The following SMAD3 variants were observed in gnomAD, a reference collection of about 807,000 sequenced individuals.
The protein encoded by SMAD3 is SMAD family member 3, also known as MAD homolog 3.
SMAD3 carries 12 observed loss-of-function variants against 51.8 expected under a neutral mutation model. That is an observed-to-expected ratio of 0.23 (90% CI 0.15 to 0.38). The LOEUF (loss-of-function observed/expected upper bound fraction) is 0.38. Among genes scored for constraint, SMAD3 ranks in the 10% least tolerant of loss-of-function variants. The pLI is 1.00. For synonymous variants in SMAD3, 238 were observed against 227.7 expected (o/e 1.05, Z -0.41); for missense variants, 294 against 565.6 (o/e 0.52, Z 4.87).
intron 1 of SMAD3, among the ~76,000 whole-genome samples, chr15:67,078,680 C>T (rs1960220291): frequency 1.3e-5 from 2 of 152,180 alleles, no homozygotes; most frequent in Admixed American, 1.3e-4. Context: ...ACTGATTCTA[C>T]TTCATGGGCT....
chr15:67,110,742 A>G (rs927996463), intron 1 of SMAD3, among the ~76,000 whole-genome samples: 2 of 152,228 alleles, frequency 1.3e-5, no homozygotes, highest in Middle Eastern at 3.2e-3. Context: ...AAATCATTAC[A>G]TAATAGTTAG....
At chr15:67,164,773 G>A in intron 1 of SMAD3, 122 bp from the exon 2 acceptor site, 2 of 1,047,158 alleles carry the variant, frequency 1.9e-6, no homozygotes, top group Non-Finnish European at 3.0e-6. Context: ...CTGGACCTCT[G>A]GATCTGGGAG....
intron 1 of SMAD3, chr15:67,099,012 G>A (rs139240383): frequency 4.7e-5 from 33 of 701,638 alleles, no homozygotes; most frequent in East Asian, 1.6e-4. Flanking sequence ...TGTCCTGAGC[G>A]AGGATCAACT....
rs1201995588 is a variant in SMAD3, at chr15:67,181,366, G to A, written c.784G>A (p.Asp262Asn). The change falls in exon 6 of 9, where the codon GAC becomes AAC. Residue 262 changes from aspartate to asparagine, a missense_variant. Asp to Asn is a conservative substitution (Grantham distance 23, BLOSUM62 1). Coordinates refer to ENST00000327367, the MANE Select transcript of SMAD3 (RefSeq NM_005902.4). ...QPSMTVDGFT[D>N]PSNSERFCLG... ...ATCCATGACTGTGGATGGCTTCACC[G>A]ACCCCTCCAATTCGGAGCGCTTCTG... 3 of 1,613,942 alleles carry A rather than the reference G, an allele frequency of 1.9e-6. No homozygotes were observed. The highest frequency in any genetic ancestry group is 2.5e-6 in the Non-Finnish European group (3 of 1,180,020).
chr15:67,098,870 A>T, intron 1 of SMAD3: 1 of 701,806 alleles, frequency 1.4e-6, no homozygotes, highest in South Asian at 1.5e-5. Context: ...GAGGGCATAC[A>T]TGGATGGGAG....
chr15:67,170,122 C>G (rs1435208375), intron 4 of SMAD3, among the ~76,000 whole-genome samples: 1 of 152,168 alleles, frequency 6.6e-6, no homozygotes, highest in Non-Finnish European at 1.5e-5. Flanking sequence ...GAGGGCTGGC[C>G]TCCTGCTTCC....
At chr15:67,072,163 A>G (rs1344020082) in intron 1 of SMAD3, among the ~76,000 whole-genome samples, 1 of 152,244 alleles carries the variant, frequency 6.6e-6, no homozygotes, top group Admixed American at 6.5e-5. Context: ...TGGTTTAATA[A>G]TGTAAACATG....
At chr15:67,157,480 C>A (rs1962314572) in intron 1 of SMAD3, among the ~76,000 whole-genome samples, 1 of 152,252 alleles carries the variant, frequency 6.6e-6, no homozygotes, top group African/African-American at 2.4e-5. Flanking sequence ...CCTGAGTTCT[C>A]TGAGCTGGGC....
chr15:67,168,247 G>A (rs1472323516), intron 4 of SMAD3, among the ~76,000 whole-genome samples: 1 of 152,228 alleles, frequency 6.6e-6, no homozygotes, highest in East Asian at 1.9e-4. Flanking sequence ...CCTGGCTGAG[G>A]TTGTGCAATT....
At position 67,194,675 on chromosome 15, in the gene SMAD3, T is replaced by G. The variant is rs1164019119; in HGVS notation, c.*4139T>G. 4.3e-6 allele frequency: 1 copy of G among 231,874 alleles called. No individual in the cohort carries two copies. 14.4% of individuals were successfully genotyped at this position (231,874 alleles called of 1,614,324 possible). The stretch of plus-strand genomic sequence containing the variant: ...GTTGGGGCACAGCCAGTTCTGAATG[T>G]TGGTGGAGGGTGTAGTGGCTTTTTG... On this transcript the variant is annotated 3_prime_UTR_variant, in exon 9 of 9. Coordinates refer to ENST00000327367, the MANE Select transcript of SMAD3 (RefSeq NM_005902.4).
Position 67,190,556 on chromosome 15 carries a change from G to T in SMAD3, c.*20G>T. On this transcript the variant is annotated 3_prime_UTR_variant, in exon 9 of 9. Transcript: ENST00000327367. ...TCTTAGAGACATCAAGTATGGTAGG[G>T]GAGGGCAGGCTTGGGGAAAATGGCC... is the stretch of plus-strand genomic sequence containing the variant. The T allele has an allele frequency of 6.2e-7, 1 of 1,613,622 alleles. No individual in the cohort carries two copies. Among genetic ancestry groups the T allele is most frequent in the South Asian group, 1.1e-5 (1 of 91,046 alleles).
At chr15:67,157,662 G>A (rs1962319567) in intron 1 of SMAD3, among the ~76,000 whole-genome samples, 1 of 152,232 alleles carries the variant, frequency 6.6e-6, no homozygotes, top group African/African-American at 2.4e-5. Context: ...GCTGATCGGT[G>A]GAAGTGCAGA....
intron 1 of SMAD3, among the ~76,000 whole-genome samples, chr15:67,116,709 A>G (rs1425318202): frequency 6.6e-6 from 1 of 152,090 alleles, no homozygotes; most frequent in Non-Finnish European, 1.5e-5. Flanking sequence ...AGTGAAGGAG[A>G]GTCTTAGGTG....
chr15:67,173,617 A>G (rs1962811083), intron 5 of SMAD3, among the ~76,000 whole-genome samples: 1 of 152,168 alleles, frequency 6.6e-6, no homozygotes, highest in Non-Finnish European at 1.5e-5. Flanking sequence ...CCTCTTGCCT[A>G]TAGAATAAAG....
chr15:67,125,204 G>A (rs948672210), intron 1 of SMAD3, among the ~76,000 whole-genome samples: 3 of 152,220 alleles, frequency 2.0e-5, no homozygotes, highest in African/African-American at 4.8e-5. Context: ...GACAGTTCTT[G>A]CTTGGGCACT....
rs1404024585 is a variant in SMAD3, at chr15:67,191,342, G to GT, written c.*807dup. The GT allele has an allele frequency of 6.4e-5, 15 of 233,456 alleles. No homozygotes were observed. In the East Asian group the frequency reaches 9.0e-4, roughly 14 times the overall value. 14.5% of individuals were successfully genotyped at this position (233,456 alleles called of 1,614,324 possible). On this transcript the variant is annotated 3_prime_UTR_variant, in exon 9 of 9. Transcript: ENST00000327367. ...TAATCTCAAAGAGATTCGAATGACG[G>GT]TAAGTGTTCTCATGAAGCAGGAGGC...
Position 67,097,506 on chromosome 15 carries a change from A to G in SMAD3, c.206+31146A>G, listed in dbSNP as rs561629345. Reference sequence around the variant, plus strand: ...GCTATCTGCCTGCCTCAGCCTCCCAAAGTGCCGGGATTACAGGTGTGAGCC... The same window carrying G: ...GCTATCTGCCTGCCTCAGCCTCCCAGAGTGCCGGGATTACAGGTGTGAGCC... On this transcript the variant is annotated intron_variant, in intron 1 of 8. Transcript: ENST00000327367. Among the ~76,000 whole-genome samples, 4 of 152,176 alleles carry G rather than the reference A, an allele frequency of 2.6e-5. No homozygotes were observed. The South Asian group carries it at 8.3e-4, about 32-fold the overall frequency.
At chr15:67,071,765 T>C in intron 1 of SMAD3, among the ~76,000 whole-genome samples, 1 of 152,146 alleles carries the variant, frequency 6.6e-6, no homozygotes, top group Non-Finnish European at 1.5e-5. Context: ...TGAGCCGAGA[T>C]CGCGCCACTG....
chr15:67,129,481 A>C (rs1188804351), intron 1 of SMAD3, among the ~76,000 whole-genome samples: 2 of 144,786 alleles, frequency 1.4e-5, no homozygotes, highest in African/African-American at 5.1e-5. Flanking sequence ...TGTTAATTTC[A>C]TTATTAGTTA....
Sources: gnomAD v4.1 joint callset for allele counts (sites outside exome capture counted in the v4.1 genomes callset) on GRCh38, gnomAD v4.1.1 for gene constraint, MANE v1.5 for transcripts, NCBI Gene and HGNC (gene_info 2026-07-23, HGNC 2026-07-21) for gene names.